The following ADAMTS3 variants were observed in gnomAD, a reference collection of about 807,000 sequenced individuals.
ADAMTS3 encodes the protein A disintegrin and metalloproteinase with thrombospondin motifs 3.
A neutral mutation model predicts 129.0 loss-of-function variants in ADAMTS3; 73 were observed. The observed-to-expected ratio is 0.57, with a 90% confidence interval of 0.47 to 0.69. The LOEUF (loss-of-function observed/expected upper bound fraction) is 0.69, where lower values mean the gene tolerates loss of function less well. Among genes scored for constraint, ADAMTS3 ranks in the 30% least tolerant of loss-of-function variants. ADAMTS3 has a pLI of 0.00. For synonymous variants in ADAMTS3, 477 were observed against 510.8 expected (o/e 0.93, Z 0.89); for missense variants, 1,457 against 1,514.5 (o/e 0.96, Z 0.63).
At chr4:72,436,341 A>G (rs991815417) in intron 3 of ADAMTS3, among the ~76,000 whole-genome samples, 7 of 152,156 alleles carry the variant, frequency 4.6e-5, no homozygotes, top group African/African-American at 1.7e-4. Context: ...GCAATCATCA[A>G]AAAGTCAGGA....
At chr4:72,367,129 T>A (rs1171063315) in intron 4 of ADAMTS3, among the ~76,000 whole-genome samples, 1 of 152,222 alleles carries the variant, frequency 6.6e-6, no homozygotes, top group African/African-American at 2.4e-5. Flanking sequence ...CTTGAAAACA[T>A]CTATTTCAGA....
intron 3 of ADAMTS3, among the ~76,000 whole-genome samples, chr4:72,432,032 A>G (rs16847913): frequency 0.044 from 6,693 of 151,998 alleles, 181 homozygotes; most frequent in African/African-American, 0.054. Flanking sequence ...CAGCTTCCTA[A>G]CTATAATCCA....
chr4:72,376,525 T>C (rs1721137081), intron 4 of ADAMTS3, among the ~76,000 whole-genome samples: 1 of 152,150 alleles, frequency 6.6e-6, no homozygotes, highest in Admixed American at 6.5e-5. Context: ...CACTGACCTG[T>C]GAGTTTCTAA....
chr4:72,376,859 C>T (rs754435779), intron 4 of ADAMTS3, among the ~76,000 whole-genome samples: 6 of 152,096 alleles, frequency 3.9e-5, no homozygotes, highest in Non-Finnish European at 7.4e-5. Context: ...AGTGACTGAA[C>T]GCCTTGCCTA....
intron 3 of ADAMTS3, among the ~76,000 whole-genome samples, chr4:72,480,991 C>G (rs1719419666): frequency 6.6e-6 from 1 of 151,938 alleles, no homozygotes; most frequent in Non-Finnish European, 1.5e-5. Flanking sequence ...AGGTGAAACT[C>G]TAACAAAAAC....
Position 72,283,708 on chromosome 4 carries a change from CA to C in ADAMTS3, c.3050-5del. On this transcript the variant is annotated splice_region_variant and splice_polypyrimidine_tract_variant and intron_variant, in intron 21 of 21. Transcript: ENST00000286657. ...TTGTCTCCCAAACATGGTTCATCTGCAAAAATAAAAAGAAAATAAACTAACA... is the reference window on the plus strand; with the variant it reads ...TTGTCTCCCAAACATGGTTCATCTGCAAAATAAAAAGAAAATAAACTAACA... 4 of 1,522,920 alleles carry C rather than the reference CA, an allele frequency of 2.6e-6. No individual in the cohort carries two copies. Among genetic ancestry groups the C allele is most frequent in the Non-Finnish European group, 3.5e-6 (4 of 1,132,940 alleles). 94.3% of individuals were successfully genotyped at this position (1,522,920 alleles called of 1,614,324 possible).
intron 3 of ADAMTS3, among the ~76,000 whole-genome samples, chr4:72,479,525 C>T (rs911765789): frequency 7.2e-5 from 11 of 152,166 alleles, no homozygotes; most frequent in Admixed American, 2.0e-4. Context: ...TTTCCTTACA[C>T]CTTATATAAA....
chr4:72,309,365 G>A, intron 15 of ADAMTS3, 32 bp downstream of exon 15: 7 of 1,605,134 alleles, frequency 4.4e-6, no homozygotes, highest in Non-Finnish European at 6.0e-6. Context: ...TCACAGAGAA[G>A]AATACTAAAT....
At chr4:72,310,936 T>C in intron 14 of ADAMTS3, 112 bp downstream of exon 14, 1 of 1,018,450 alleles carries the variant, frequency 9.8e-7, no homozygotes. Context: ...CATAGACACT[T>C]ACTATAATGT....
chr4:72,564,706 G>T (rs1721982348), intron 2 of ADAMTS3, among the ~76,000 whole-genome samples: 1 of 152,080 alleles, frequency 6.6e-6, no homozygotes, highest in Non-Finnish European at 1.5e-5. Context: ...GCAATATCCT[G>T]CATGAGACAC....
intron 3 of ADAMTS3, among the ~76,000 whole-genome samples, chr4:72,512,933 A>C (rs1720355895): frequency 6.6e-6 from 1 of 152,094 alleles, no homozygotes; most frequent in South Asian, 2.1e-4. Flanking sequence ...GTACATAGGA[A>C]ATTTCTGCAT....
In ADAMTS3 at chr4:72,338,997, T is replaced by C. The variant is rs374472967; in HGVS notation, c.861+497A>G. Among the ~76,000 whole-genome samples, 8 of 152,280 alleles carry C rather than the reference T, an allele frequency of 5.3e-5. No homozygotes were observed. In the East Asian group the frequency reaches 9.6e-4, roughly 18 times the overall value. ...GTATGCTTTGTATTAATAAATATAT[T>C]ACCTTCAGTCTTATAATGTTGAAAA... On this transcript the variant is annotated intron_variant, in intron 5 of 21. Transcript: ENST00000286657.
intron 3 of ADAMTS3, among the ~76,000 whole-genome samples, chr4:72,417,489 T>G (rs1437095373): frequency 1.3e-5 from 2 of 152,114 alleles, no homozygotes; most frequent in East Asian, 3.9e-4. Context: ...AACATCTCAC[T>G]TAGAAAGCAA....
chr4:72,404,289 C>G lies in ADAMTS3; in HGVS notation c.661+10526G>C, dbSNP rs551102190. 3.3e-5 allele frequency among the ~76,000 whole-genome samples: 5 copies of G among 152,046 alleles called. No individual in the cohort carries two copies. In the South Asian group the frequency reaches 1.0e-3, roughly 32 times the overall value. ...AAAATCTATAACCAAGCAACCATGA[C>G]CAAATCAATATAATATTGGCATAAA... On this transcript the variant is annotated intron_variant, in intron 4 of 21. Transcript: ENST00000286657.
At chr4:72,295,521 G>A in intron 19 of ADAMTS3, 133 bp downstream of exon 19, 1 of 895,758 alleles carries the variant, frequency 1.1e-6, no homozygotes, top group South Asian at 2.8e-5. Context: ...TATAATTCCT[G>A]TGAAGTGACT....
In ADAMTS3 at chr4:72,284,975, G is replaced by A. The variant is rs76524668; in HGVS notation, c.3050-1271C>T. Among the ~76,000 whole-genome samples, 1,521 of 152,290 alleles carry A rather than the reference G, an allele frequency of 1.0e-2. 26 individuals are homozygous for A. Among genetic ancestry groups the A allele is most frequent in the African/African-American group, 0.035 (1,438 of 41,554 alleles). ...TGCATATGTGCAACACAGAAACACT[G>A]ATCCATGCCCAAAGAAGAAATGCAA... On this transcript the variant is annotated intron_variant, in intron 21 of 21. Transcript: ENST00000286657.
intron 3 of ADAMTS3, among the ~76,000 whole-genome samples, chr4:72,455,717 C>G (rs1401067357): frequency 6.9e-6 from 1 of 144,734 alleles, no homozygotes; most frequent in Non-Finnish European, 1.5e-5. Context: ...TATCTGTCGG[C>G]TTTATCAAAT....
Position 72,460,052 on chromosome 4 carries a change from T to G in ADAMTS3, c.505-45081A>C, listed in dbSNP as rs77270525. ...TTTGGAACATATCAGATTTTGGATT[T>G]TTAAATTAGGAATTCCCAACCTGCA... On this transcript the variant is annotated intron_variant, in intron 3 of 21. Coordinates refer to ENST00000286657, the MANE Select transcript of ADAMTS3 (RefSeq NM_014243.3). Among the ~76,000 whole-genome samples, 973 of 151,630 alleles carry G rather than the reference T, an allele frequency of 6.4e-3. 9 individuals carry two copies. Among genetic ancestry groups the G allele is most frequent in the African/African-American group, 0.022 (917 of 41,482 alleles).
At chr4:72,532,053 CAA>C (rs34075436) in intron 3 of ADAMTS3, among the ~76,000 whole-genome samples, 5 of 125,150 alleles carry the variant, frequency 4.0e-5, no homozygotes, top group Non-Finnish European at 5.2e-5. Flanking sequence ...GTATTACAGA[CAA>C]AAAAAAAAAA....
Sources: allele counts gnomAD v4.1 joint callset (sites outside exome capture counted in the v4.1 genomes callset), GRCh38; gene constraint gnomAD v4.1.1; transcripts MANE v1.5; gene names NCBI Gene and HGNC (gene_info 2026-07-23, HGNC 2026-07-21).